The following HEMK2 variants were observed in gnomAD, a reference collection of about 807,000 sequenced individuals.
HEMK2 encodes the protein methyltransferase HEMK2.
the HEMK2 span, among the ~76,000 whole-genome samples, chr21:28,778,374 C>T: frequency 3.3e-5 from 5 of 152,116 alleles, no homozygotes; most frequent in African/African-American, 1.2e-4. Context: ...TGAAGGCAAA[C>T]CAAGCTTTTA....
At chr21:28,622,915 T>C in the HEMK2 span, among the ~76,000 whole-genome samples, 3 of 152,102 alleles carry the variant, frequency 2.0e-5, no homozygotes, top group Non-Finnish European at 4.4e-5. Context: ...ATTCAGGACA[T>C]AGGCATGGGC....
At chr21:28,687,015 G>A in the HEMK2 span, among the ~76,000 whole-genome samples, 1 of 152,268 alleles carries the variant, frequency 6.6e-6, no homozygotes, top group Non-Finnish European at 1.5e-5. Flanking sequence ...GAATTGATAT[G>A]CTAGTTCATA....
At chr21:28,818,180 AC>A in the HEMK2 span, among the ~76,000 whole-genome samples, 1 of 152,162 alleles carries the variant, frequency 6.6e-6, no homozygotes, top group Non-Finnish European at 1.5e-5. Context: ...AGGCAGAAGA[AC>A]GTGAAAGGAC....
At chr21:28,834,597 A>G in the HEMK2 span, among the ~76,000 whole-genome samples, 38 of 152,256 alleles carry the variant, frequency 2.5e-4, no homozygotes, top group South Asian at 7.7e-3. Flanking sequence ...GGAGAAGGAA[A>G]TCTCTAGCTG....
the HEMK2 span, among the ~76,000 whole-genome samples, chr21:28,811,355 A>G: frequency 2.1e-3 from 304 of 145,818 alleles, 1 homozygote; most frequent in African/African-American, 7.6e-3. Context: ...GGAAGGAAGG[A>G]AGGGAGGGAG....
the HEMK2 span, among the ~76,000 whole-genome samples, chr21:28,668,380 C>T: frequency 6.6e-6 from 1 of 152,144 alleles, no homozygotes; most frequent in East Asian, 1.9e-4. Context: ...GACTATGCTC[C>T]AGGCTATATA....
the HEMK2 span, among the ~76,000 whole-genome samples, chr21:28,743,024 A>G: frequency 6.6e-6 from 1 of 152,184 alleles, no homozygotes; most frequent in Non-Finnish European, 1.5e-5. Flanking sequence ...TAGGAGTGCA[A>G]TGAAACTGTT....
chr21:28,677,765 C>G, the HEMK2 span, among the ~76,000 whole-genome samples: 2 of 152,234 alleles, frequency 1.3e-5, no homozygotes, highest in Admixed American at 6.5e-5. Flanking sequence ...GCAGCCTCCG[C>G]TGCTGATACC....
At chr21:28,657,295 C>A in the HEMK2 span, among the ~76,000 whole-genome samples, 1 of 151,884 alleles carries the variant, frequency 6.6e-6, no homozygotes, top group Non-Finnish European at 1.5e-5. Context: ...AAAGGAAGGT[C>A]AAAGAACTGA....
the HEMK2 span, among the ~76,000 whole-genome samples, chr21:28,774,386 A>G: frequency 6.6e-6 from 1 of 152,104 alleles, no homozygotes; most frequent in African/African-American, 2.4e-5. Context: ...CCAGGAGTTC[A>G]AGACCAGGCT....
the HEMK2 span, among the ~76,000 whole-genome samples, chr21:28,648,085 ATACT>A: frequency 6.6e-6 from 1 of 152,360 alleles, no homozygotes; most frequent in Non-Finnish European, 1.5e-5. Flanking sequence ...ATGGTGTTTT[ATACT>A]TTTGCCTCTT....
the HEMK2 span, among the ~76,000 whole-genome samples, chr21:28,782,766 G>C: frequency 4.1e-4 from 62 of 152,200 alleles, no homozygotes; most frequent in South Asian, 0.012. Context: ...TTGTGCTGAT[G>C]GTTACACAAC....
chr21:28,700,023 C>T, the HEMK2 span, among the ~76,000 whole-genome samples: 3 of 152,164 alleles, frequency 2.0e-5, no homozygotes, highest in Non-Finnish European at 4.4e-5. Flanking sequence ...AGCAACTGAT[C>T]CTTAAGGTGA....
chr21:28,723,003 C>A, the HEMK2 span, among the ~76,000 whole-genome samples: 2 of 150,270 alleles, frequency 1.3e-5, no homozygotes, highest in African/African-American at 2.5e-5. Flanking sequence ...TTGTAGATTT[C>A]TTTTATTAAA....
At chr21:28,757,286 C>T in the HEMK2 span, among the ~76,000 whole-genome samples, 1 of 152,222 alleles carries the variant, frequency 6.6e-6, no homozygotes, top group South Asian at 2.1e-4. Context: ...CCAATTGGCA[C>T]ATTTTTATGT....
chr21:28,804,742 A>C, the HEMK2 span, among the ~76,000 whole-genome samples: 1 of 152,200 alleles, frequency 6.6e-6, no homozygotes, highest in Non-Finnish European at 1.5e-5. Context: ...CACTCAGAAC[A>C]CTTGATAATC....
the HEMK2 span, among the ~76,000 whole-genome samples, chr21:28,807,679 G>A: frequency 6.6e-6 from 1 of 152,142 alleles, no homozygotes; most frequent in Admixed American, 6.6e-5. Context: ...AGTCCTTAGT[G>A]GAGAGCCATC....
At chr21:28,658,963 T>C in the HEMK2 span, among the ~76,000 whole-genome samples, 3 of 152,260 alleles carry the variant, frequency 2.0e-5, no homozygotes, top group Admixed American at 1.3e-4. Context: ...TTGTTTCCTA[T>C]GGCCACCAAC....
chr21:28,765,540 T>C, the HEMK2 span, among the ~76,000 whole-genome samples: 1 of 152,160 alleles, frequency 6.6e-6, no homozygotes, highest in Non-Finnish European at 1.5e-5. Context: ...TTATATTGAA[T>C]ACTTTTAAAC....
Sources: gnomAD v4.1 joint callset for allele counts (sites outside exome capture counted in the v4.1 genomes callset) on GRCh38, gnomAD v4.1.1 for gene constraint, MANE v1.5 for transcripts, NCBI Gene and HGNC (gene_info 2026-07-23, HGNC 2026-07-21) for gene names.